SYK: variants seen among roughly 807,000 people sequenced by gnomAD.
SYK encodes tyrosine-protein kinase SYK.
Under a neutral mutation model 77.8 loss-of-function variants are expected in SYK, and 16 were observed. The ratio of observed to expected loss-of-function variants is 0.21; its 90% CI spans 0.14 to 0.31. The LOEUF is 0.31. SYK is among the 10% of genes least tolerant of loss of function. SYK has a pLI of 1.00. For missense variants in SYK, 529 were observed against 814.4 expected (o/e 0.65, Z 4.26); for synonymous variants, 312 against 308.7 (o/e 1.01, Z -0.11).
chr9:90,831,858 T>A (rs1455697245), intron 1 of SYK, among the ~76,000 whole-genome samples: 1 of 152,164 alleles, frequency 6.6e-6, no homozygotes, highest in Non-Finnish European at 1.5e-5. Context: ...CTGGGGTGAT[T>A]TTGCTATTTA....
At chr9:90,894,742 C>T (rs756303008) in intron 13 of SYK, among the ~76,000 whole-genome samples, 7 of 152,142 alleles carry the variant, frequency 4.6e-5, no homozygotes, top group Non-Finnish European at 8.8e-5. Flanking sequence ...AAGTGAGGAT[C>T]GATTATCAGG....
intron 1 of SYK, among the ~76,000 whole-genome samples, chr9:90,838,427 A>G (rs1587841138): frequency 2.0e-5 from 3 of 152,236 alleles, no homozygotes; most frequent in Admixed American, 2.0e-4. Flanking sequence ...TATGCGGCCC[A>G]GGACATTACA....
At chr9:90,880,091 C>A (rs111758126) in intron 11 of SYK, among the ~76,000 whole-genome samples, 1 of 152,222 alleles carries the variant, frequency 6.6e-6, no homozygotes, top group Non-Finnish European at 1.5e-5. Flanking sequence ...AAATAGATGG[C>A]AGACCTTCAA....
Position 90,844,221 on chromosome 9 carries a change from A to T in SYK, c.323A>T (p.Asn108Ile), listed in dbSNP as rs2118636776. 6.2e-7 allele frequency: 1 copy of T among 1,614,198 alleles called. No homozygotes were observed. The highest frequency in any genetic ancestry group is 8.5e-7 in the Non-Finnish European group (1 of 1,180,008). Residue 108 changes from asparagine (N) to isoleucine (I), a missense_variant, in exon 2 of 14, where the codon AAC becomes ATC. By Grantham distance (149) the Asn-to-Ile change is moderately radical. Transcript: ENST00000375754. ...GLVCLLKKPFNRPQGVQPKTG... is the reference protein window; with the variant it reads ...GLVCLLKKPFIRPQGVQPKTG... ...GTCTGCCTCCTCAAGAAGCCCTTCAACCGGCCCCAAGGGGTGCAGCCCAAG... is the reference window on the plus strand; with the variant it reads ...GTCTGCCTCCTCAAGAAGCCCTTCATCCGGCCCCAAGGGGTGCAGCCCAAG...
chr9:90,877,655 T>A lies in SYK; in HGVS notation c.1266T>A (p.Asn422Lys). 1 of 1,614,228 alleles carries A rather than the reference T, an allele frequency of 6.2e-7. No individual in the cohort carries two copies. The highest frequency in any genetic ancestry group is 8.5e-7 in the Non-Finnish European group (1 of 1,180,040). ...ALKDELLAEANVMQQLDNPYI... is the reference protein window; with the variant it reads ...ALKDELLAEAKVMQQLDNPYI... Reference sequence around the variant, plus strand: ...AAGATGAGTTATTAGCAGAAGCAAATGTCATGCAGCAGCTGGACAACCCGT... The same window carrying A: ...AAGATGAGTTATTAGCAGAAGCAAAAGTCATGCAGCAGCTGGACAACCCGT... The change falls in exon 10 of 14, where the codon AAT becomes AAA. Residue 422 changes from asparagine (N) to lysine (K), a missense_variant. Coordinates refer to ENST00000375754, the MANE Select transcript of SYK (RefSeq NM_003177.7).
chr9:90,835,144 G>A (rs1826023160), intron 1 of SYK, among the ~76,000 whole-genome samples: 1 of 152,212 alleles, frequency 6.6e-6, no homozygotes, highest in East Asian at 1.9e-4. Flanking sequence ...GAGTAACCCC[G>A]AGCTAATGTG....
At chr9:90,809,430 G>A (rs559062194) in intron 1 of SYK, among the ~76,000 whole-genome samples, 125 of 152,316 alleles carry the variant, frequency 8.2e-4, no homozygotes, top group Non-Finnish European at 1.6e-3. Context: ...CGTAAAAGAG[G>A]ATCTGCTGTC....
At chr9:90,855,470 C>T (rs1826991792) in intron 3 of SYK, among the ~76,000 whole-genome samples, 2 of 152,152 alleles carry the variant, frequency 1.3e-5, no homozygotes. Context: ...CTCTGATTTG[C>T]ACACCCCTGA....
At chr9:90,873,863 C>T (rs996719567) in intron 7 of SYK, among the ~76,000 whole-genome samples, 8 of 152,210 alleles carry the variant, frequency 5.3e-5, no homozygotes, top group African/African-American at 1.9e-4. Flanking sequence ...ACATGCAAAT[C>T]ATCAGCGATC....
At position 90,887,808 on chromosome 9, in the gene SYK, C is replaced by T. The variant is rs1201078040; in HGVS notation, c.1641C>T (p.Tyr547=). ...ACGCTCCGGAATGCATCAACTACTA[C>T]AAGTTCTCCAGCAAAAGCGATGTCT... is the stretch of plus-strand genomic sequence containing the variant. The part of the protein sequence containing the change: ...KWYAPECINY[Y]KFSSKSDVWS... The change falls in exon 12 of 14, where the codon TAC becomes TAT. Residue 547 remains tyrosine (Y), a synonymous_variant. Transcript: ENST00000375754. The T allele has an allele frequency of 1.9e-6, 3 of 1,613,772 alleles. No individual in the cohort carries two copies. Among genetic ancestry groups the T allele is most frequent in the Admixed American group, 3.3e-5 (2 of 59,956 alleles).
Position 90,895,503 on chromosome 9 carries a change from C to G in SYK, c.1836-25C>G. 1.2e-6 allele frequency: 2 copies of G among 1,613,284 alleles called. No individual in the cohort carries two copies. The highest frequency in any genetic ancestry group is 1.3e-5 in the African/African-American group (1 of 75,044). ...AATTTTTCACAAGCACATTGACAAA[C>G]AAGAATGCATCTCTTCCATTCCAGT... On this transcript the variant is annotated intron_variant, in intron 13 of 13. Coordinates refer to ENST00000375754, the MANE Select transcript of SYK (RefSeq NM_003177.7). The surrounding 1 kb of genome is among the most constrained non-coding windows in gnomAD (Gnocchi z 4.4).
At chr9:90,857,786 A>C (rs1451902491) in intron 3 of SYK, among the ~76,000 whole-genome samples, 1 of 151,812 alleles carries the variant, frequency 6.6e-6, no homozygotes. Flanking sequence ...TGCCCACCCA[A>C]CCCAGCACAG....
In SYK at chr9:90,874,791, A is replaced by G. The variant is rs201179887; in HGVS notation, c.1123A>G (p.Lys375Glu). The G allele has an allele frequency of 6.2e-7, 1 of 1,614,156 alleles. No homozygotes were observed. The highest frequency in any genetic ancestry group is 8.5e-7 in the Non-Finnish European group (1 of 1,180,028). Residue 375 changes from lysine (K) to glutamate (E), a missense_variant, in exon 9 of 14, where the codon AAA (lysine) becomes GAA (glutamate). This residue lies in a region of SYK where 208 missense variants were observed against 381.3 expected (regional missense o/e 0.55). Coordinates refer to ENST00000375754, the MANE Select transcript of SYK (RefSeq NM_003177.7). ...CCGAAAGCTGCTGACGCTGGAAGAC[A>G]AAGAACTGGGCTCTGGTAATTTTGG... ...LDRKLLTLEDKELGSGNFGTV... is the reference protein window; with the variant it reads ...LDRKLLTLEDEELGSGNFGTV...
intron 1 of SYK, among the ~76,000 whole-genome samples, chr9:90,829,782 T>C (rs142932424): frequency 5.8e-4 from 89 of 152,376 alleles, no homozygotes; most frequent in African/African-American, 2.1e-3. Flanking sequence ...TGTTTATTTA[T>C]AACTACACAG....
chr9:90,845,383 T>G, intron 2 of SYK, 51 bp from the exon 3 acceptor site: 1 of 1,563,540 alleles, frequency 6.4e-7, no homozygotes, highest in Non-Finnish European at 8.7e-7. Flanking sequence ...TTCTGCATCA[T>G]TTTCATTTTT....
chr9:90,894,594 A>G (rs1036354401), intron 13 of SYK, among the ~76,000 whole-genome samples: 1 of 152,236 alleles, frequency 6.6e-6, no homozygotes, highest in Non-Finnish European at 1.5e-5. Context: ...TGCCATTGAT[A>G]TAGGTCAAAA....
chr9:90,865,453 G>A (rs1827446998), intron 6 of SYK, among the ~76,000 whole-genome samples: 3 of 152,038 alleles, frequency 2.0e-5, no homozygotes, highest in South Asian at 4.1e-4. Flanking sequence ...GATTACAGGT[G>A]CCTGCCATCA....
intron 6 of SYK, among the ~76,000 whole-genome samples, chr9:90,866,315 C>A (rs1297320145): frequency 1.3e-5 from 2 of 152,218 alleles, no homozygotes. Context: ...TACATCCTGC[C>A]TCCAGTAGGG....
intron 7 of SYK, among the ~76,000 whole-genome samples, chr9:90,871,454 A>G (rs1462696091): frequency 1.3e-5 from 2 of 152,238 alleles, no homozygotes; most frequent in South Asian, 2.1e-4. Context: ...TTTTTTAAGA[A>G]TAGTATTTTT....
Sources: gnomAD v4.1 joint callset for allele counts (sites outside exome capture counted in the v4.1 genomes callset) on GRCh38, gnomAD v4.1.1 for gene constraint, gnomAD v4.1.1 regional missense constraint, Gnocchi (gnomAD v3.1) non-coding constraint, MANE v1.5 for transcripts, NCBI Gene and HGNC (gene_info 2026-07-23, HGNC 2026-07-21) for gene names.